KMT2B: variants seen among roughly 807,000 people sequenced by gnomAD.
KMT2B encodes the protein lysine methyltransferase 2B, also known as histone-lysine N-methyltransferase 2B.
Under a neutral mutation model 255.3 loss-of-function variants are expected in KMT2B, and 22 were observed. The observed-to-expected ratio is 0.09, with a 90% CI of 0.06 to 0.12. KMT2B has a LOEUF of 0.12. KMT2B is among the 10% of genes least tolerant of loss of function. The pLI, the probability that KMT2B is intolerant of heterozygous loss-of-function variation, is 1.00. For synonymous variants in KMT2B, 1,730 were observed against 1,498.1 expected (o/e 1.15, Z -3.57); for missense variants, 3,149 against 3,737.0 (o/e 0.84, Z 4.10).
rs754581856 is a variant in KMT2B at position 35,720,784 on chromosome 19, G to A, written c.1437G>A (p.Arg479=). The A allele has an allele frequency of 1.3e-6, 2 of 1,485,656 alleles. No individual in the cohort carries two copies. Among genetic ancestry groups the A allele is most frequent in the Middle Eastern group, 1.8e-4 (1 of 5,674 alleles). The allele number at this position is 1,485,656 out of a possible 1,614,324, so 92.0% of individuals were successfully genotyped here. Residue 479 remains arginine (R), a synonymous_variant, in exon 3 of 37, where the codon CGG becomes CGA. Transcript: ENST00000420124. ...RGRPPLTPSQ[R]AEREAARAGP... is the part of the protein sequence containing the mutation. The stretch of plus-strand genomic sequence containing the variant: ...GGCCTCCCCTGACTCCCAGCCAGCG[G>A]GCGGAGCGGGAAGCTGCTCGGGCAG...
At position 35,738,287 on chromosome 19, in the gene KMT2B, C is replaced by A. The variant is rs374063316; in HGVS notation, c.7878C>A (p.Ile2626=). 1 of 1,613,626 alleles carries A rather than the reference C, an allele frequency of 6.2e-7. No individual in the cohort carries two copies. Among genetic ancestry groups the A allele is most frequent in the Non-Finnish European group, 8.5e-7 (1 of 1,179,684 alleles). Reference sequence around the variant, plus strand: ...TCCCCACCTCATCCCTGCAGGGCATCGGGTGCTATATGTTCCGCATGGATG... The same window carrying A: ...TCCCCACCTCATCCCTGCAGGGCATAGGGTGCTATATGTTCCGCATGGATG... ...KREKFYDGKG[I]GCYMFRMDDF... The change falls in exon 37 of 37, where the codon ATC becomes ATA. Residue 2626 remains isoleucine, a synonymous_variant. Coordinates refer to ENST00000420124, the MANE Select transcript of KMT2B (RefSeq NM_014727.3). This position sits in a 1 kb window ranked among gnomAD's most constrained non-coding sequence, Gnocchi z 8.7.
chr19:35,736,352 GAGAAAC>G (rs1384782006), intron 30 of KMT2B: 1 of 237,690 alleles, frequency 4.2e-6, no homozygotes, highest in Non-Finnish European at 8.2e-6. Context: ...AATTTTGTGT[GAGAAAC>G]AGAATAATGA....
At position 35,725,860 on chromosome 19, in the gene KMT2B, T is replaced by G; in HGVS notation, c.3885+42T>G. The stretch of plus-strand genomic sequence containing the variant: ...ACCCACTTGCTTTGTCTCTAATGAA[T>G]ATCACCACCACCCCCAAACTTGCTC... On this transcript the variant is annotated intron_variant, in intron 13 of 36. Coordinates refer to ENST00000420124, the MANE Select transcript of KMT2B (RefSeq NM_014727.3). The surrounding 1 kb of genome is among the most constrained non-coding windows in gnomAD (Gnocchi z 4.1). 1 of 1,486,830 alleles carries G rather than the reference T, an allele frequency of 6.7e-7. No homozygotes were observed. The highest frequency in any genetic ancestry group is 9.2e-7 in the Non-Finnish European group (1 of 1,088,226). 92.1% of individuals were successfully genotyped at this position (1,486,830 alleles called of 1,614,324 possible).
In KMT2B at chr19:35,733,285, G is replaced by A. The variant is rs1198615655; in HGVS notation, c.6736G>A (p.Val2246Ile). 3 of 1,490,590 alleles carry A rather than the reference G, an allele frequency of 2.0e-6. No individual in the cohort carries two copies. Among genetic ancestry groups the A allele is most frequent in the Non-Finnish European group, 1.8e-6 (2 of 1,096,158 alleles). 92.3% of individuals were successfully genotyped at this position (1,490,590 alleles called of 1,614,324 possible). ...PGPLLGVLPVVGVVRPAPPPP... is the reference protein window; with the variant it reads ...PGPLLGVLPVIGVVRPAPPPP... Reference sequence around the variant, plus strand: ...CCCCCTCCTCGGCGTGCTGCCCGTGGTCGGAGTGGTCCGCCCTGCCCCGCC... The same window carrying A: ...CCCCCTCCTCGGCGTGCTGCCCGTGATCGGAGTGGTCCGCCCTGCCCCGCC... Residue 2246 changes from valine to isoleucine, a missense_variant, in exon 28 of 37, where the codon GTC becomes ATC. Transcript: ENST00000420124. This position sits in a 1 kb window ranked among gnomAD's most constrained non-coding sequence, Gnocchi z 4.3.
In KMT2B at chr19:35,725,383, A is replaced by G. The variant is rs1423598779; in HGVS notation, c.3642+50A>G. ...GACCCCCAGCTCTCTGTCGGTCCTCACGGCCTGATTCCTTGGGCCCTCTCA... is the reference window on the plus strand; with the variant it reads ...GACCCCCAGCTCTCTGTCGGTCCTCGCGGCCTGATTCCTTGGGCCCTCTCA... On this transcript the variant is annotated intron_variant, in intron 11 of 36. Transcript: ENST00000420124. This position sits in a 1 kb window ranked among gnomAD's most constrained non-coding sequence, Gnocchi z 4.1. 1 of 1,570,368 alleles carries G rather than the reference A, an allele frequency of 6.4e-7. No homozygotes were observed.
chr19:35,723,412 C>T lies in KMT2B; in HGVS notation c.3003-35C>T. Reference sequence around the variant, plus strand: ...TCCTCTCTTCCCCCAGACCACCAGTCCCCTACCCTGGTGACGTGCTGCTCC... The same window carrying T: ...TCCTCTCTTCCCCCAGACCACCAGTTCCCTACCCTGGTGACGTGCTGCTCC... On this transcript the variant is annotated intron_variant, in intron 6 of 36. Transcript: ENST00000420124. The surrounding 1 kb of genome is among the most constrained non-coding windows in gnomAD (Gnocchi z 7.5). 1 of 1,555,850 alleles carries T rather than the reference C, an allele frequency of 6.4e-7. No homozygotes were observed. The highest frequency in any genetic ancestry group is 8.7e-7 in the Non-Finnish European group (1 of 1,147,948).
Position 35,737,596 on chromosome 19 carries a change from T to C in KMT2B, c.7551-40T>C. The stretch of plus-strand genomic sequence containing the variant: ...CACCCATTTCCCTGTTAGCTCTGTC[T>C]TCAACAGTATATTCCTCCTTCCCCT... On this transcript the variant is annotated intron_variant, in intron 33 of 36. Transcript: ENST00000420124. This position sits in a 1 kb window ranked among gnomAD's most constrained non-coding sequence, Gnocchi z 5.3. 1 of 1,357,400 alleles carries C rather than the reference T, an allele frequency of 7.4e-7. No individual in the cohort carries two copies. Among genetic ancestry groups the C allele is most frequent in the South Asian group, 1.3e-5 (1 of 78,138 alleles). The allele number at this position is 1,357,400 out of a possible 1,614,324, so 84.1% of individuals were successfully genotyped here.
Position 35,732,801 on chromosome 19 carries a change from T to G in KMT2B, c.6252T>G (p.Pro2084=). 6.2e-7 allele frequency: 1 copy of G among 1,606,454 alleles called. No individual in the cohort carries two copies. The highest frequency in any genetic ancestry group is 2.2e-5 in the East Asian group (1 of 44,562). The change falls in exon 28 of 37, where the codon CCT becomes CCG. Residue 2084 remains proline, a synonymous_variant. Coordinates refer to ENST00000420124, the MANE Select transcript of KMT2B (RefSeq NM_014727.3). ...AVQQPRGQGT[P]PSGPGVVRAG... ...AGCAGCCTCGGGGCCAGGGCACGCC[T>G]CCTTCGGGGCCAGGAGTAGTCCGGG...
At position 35,737,805 on chromosome 19, in the gene KMT2B, G is replaced by T. The variant is rs1384070722; in HGVS notation, c.7659-54G>T. 1.2e-5 allele frequency: 19 copies of T among 1,548,900 alleles called. No homozygotes were observed. The Admixed American group carries it at 3.7e-4, about 30-fold the overall frequency. Reference sequence around the variant, plus strand: ...GAAGGGTCTTAGAGAGTGAGCAGGGGTGAGAGAGGTCATTCTGAGCACCAG... The same window carrying T: ...GAAGGGTCTTAGAGAGTGAGCAGGGTTGAGAGAGGTCATTCTGAGCACCAG... On this transcript the variant is annotated intron_variant, in intron 34 of 36. Coordinates refer to ENST00000420124, the MANE Select transcript of KMT2B (RefSeq NM_014727.3). This position sits in a 1 kb window ranked among gnomAD's most constrained non-coding sequence, Gnocchi z 5.3.
Position 35,737,546 on chromosome 19 carries a change from GA to G in KMT2B, c.7551-89del, listed in dbSNP as rs1969966702. Reference sequence around the variant, plus strand: ...TAAAAATTTAAAAAAGTTATTTCTAGAGCTGACATCAGAAAAATGAACCCCA... The same window carrying G: ...TAAAAATTTAAAAAAGTTATTTCTAGGCTGACATCAGAAAAATGAACCCCA... On this transcript the variant is annotated intron_variant, in intron 33 of 36. Transcript: ENST00000420124. The surrounding 1 kb of genome is among the most constrained non-coding windows in gnomAD (Gnocchi z 5.3). The G allele has an allele frequency of 4.4e-6, 4 of 910,448 alleles. No individual in the cohort carries two copies. Among genetic ancestry groups the G allele is most frequent in the Non-Finnish European group, 6.6e-6 (4 of 603,178 alleles). 56.4% of individuals were successfully genotyped at this position (910,448 alleles called of 1,614,324 possible).
Position 35,721,644 on chromosome 19 carries a change from C to T in KMT2B, c.2297C>T (p.Pro766Leu). The change falls in exon 3 of 37, where the codon CCA becomes CTA. Residue 766 changes from proline to leucine, a missense_variant. Transcript: ENST00000420124. Reference protein sequence around the residue: ...PQPQLQPPPSPQQMPPLEKAR... With the variant: ...PQPQLQPPPSLQQMPPLEKAR... ...CCACAGCTGCAGCCACCGCCGTCAC[C>T]ACAGCAGATGCCTCCCCTGGAAAAA... 6.2e-7 allele frequency: 1 copy of T among 1,613,560 alleles called. No homozygotes were observed. Among genetic ancestry groups the T allele is most frequent in the Non-Finnish European group, 8.5e-7 (1 of 1,179,740 alleles).
At position 35,723,479 on chromosome 19, in the gene KMT2B, A is replaced by G; in HGVS notation, c.3035A>G (p.Lys1012Arg). 8 of 1,572,894 alleles carry G rather than the reference A, an allele frequency of 5.1e-6. No homozygotes were observed. Among genetic ancestry groups the G allele is most frequent in the Non-Finnish European group, 6.9e-6 (8 of 1,159,972 alleles). ...AAGTGTGACAAAATAGAGGCTCGGA[A>G]GATGGAACGACTGGCTAAAAAAGGT... ...YRKCDKIEAR[K>R]MERLAKKGRT... is the part of the protein sequence containing the mutation. The change falls in exon 7 of 37, where the codon AAG becomes AGG. Residue 1012 changes from lysine to arginine, a missense_variant. Physicochemically the swap from Lys to Arg is conservative, Grantham distance 26 (BLOSUM62 2). Around this residue, in one of 18 missense-constraint regions of KMT2B, gnomAD observed 50 missense variants for 71.9 expected, o/e 0.70. Transcript: ENST00000420124. The surrounding 1 kb of genome is among the most constrained non-coding windows in gnomAD (Gnocchi z 7.5).
chr19:35,731,016 C>T, intron 26 of KMT2B, 149 bp downstream of exon 26: 1 of 954,644 alleles, frequency 1.0e-6, no homozygotes, highest in African/African-American at 1.7e-5. Flanking sequence ...ACTGCCATGC[C>T]TTGTGTGCCA....
At position 35,730,863 on chromosome 19, in the gene KMT2B, C is replaced by G. The variant is rs766805193; in HGVS notation, c.5433C>G (p.Ser1811=). The change falls in exon 26 of 37, where the codon TCC becomes TCG. Residue 1811 remains serine, a synonymous_variant. Coordinates refer to ENST00000420124, the MANE Select transcript of KMT2B (RefSeq NM_014727.3). ...NQTIVHSPAP[S]SEPPGGEDPP... ...CCATTGTGCACAGCCCCGCCCCTTCCTCAGGTGTGGCTTTGGCTCTGTCTT... is the reference window on the plus strand; with the variant it reads ...CCATTGTGCACAGCCCCGCCCCTTCGTCAGGTGTGGCTTTGGCTCTGTCTT... 1 of 1,603,128 alleles carries G rather than the reference C, an allele frequency of 6.2e-7. No homozygotes were observed. The highest frequency in any genetic ancestry group is 1.3e-5 in the African/African-American group (1 of 74,830).
chr19:35,729,137 T>C (rs1023327302), intron 21 of KMT2B, 22 bp from the exon 22 acceptor site: 2 of 1,613,886 alleles, frequency 1.2e-6, no homozygotes, highest in African/African-American at 1.3e-5. Context: ...CCCCACATCA[T>C]GCCACTCCTC....
At position 35,733,612 on chromosome 19, in the gene KMT2B, G is replaced by A. The variant is rs1380885831; in HGVS notation, c.6975G>A (p.Arg2325=). 1 of 1,585,282 alleles carries A rather than the reference G, an allele frequency of 6.3e-7. No homozygotes were observed. Among genetic ancestry groups the A allele is most frequent in the African/African-American group, 1.3e-5 (1 of 74,322 alleles). Residue 2325 remains arginine (R), a synonymous_variant, in exon 29 of 37, where the codon AGG becomes AGA. Transcript: ENST00000420124. The surrounding 1 kb of genome is among the most constrained non-coding windows in gnomAD (Gnocchi z 4.3). ...GCCCTCCCAGGTTTAGCCGTGTGAG[G>A]ATGAAAACCCCCACAGTGCGTGGGG... The part of the protein sequence containing the change: ...GLGSGGFSRV[R]MKTPTVRGVL...
Position 35,732,932 on chromosome 19 carries a change from G to T in KMT2B, c.6383G>T (p.Gly2128Val). The stretch of plus-strand genomic sequence containing the variant: ...AACCTAGGGGGTCCTGGGGATGGAG[G>T]TGCTGGCCCTAGAGAGGAGTCACTC... ...LKNLGGPGDG[G>V]AGPREESLPP... Residue 2128 changes from glycine to valine, a missense_variant, in exon 28 of 37, where the codon GGT becomes GTT. Transcript: ENST00000420124. The T allele has an allele frequency of 6.2e-7, 1 of 1,608,386 alleles. No homozygotes were observed.
In KMT2B at chr19:35,733,180, G is replaced by C. The variant is rs1568381930; in HGVS notation, c.6631G>C (p.Val2211Leu). Residue 2211 changes from valine to leucine, a missense_variant, in exon 28 of 37, where the codon GTC becomes CTC. Val to Leu is a conservative substitution (Grantham distance 32). Around this residue, in one of 18 missense-constraint regions of KMT2B, gnomAD observed 897 missense variants for 825.3 expected, o/e 1.09. Coordinates refer to ENST00000420124, the MANE Select transcript of KMT2B (RefSeq NM_014727.3). This position sits in a 1 kb window ranked among gnomAD's most constrained non-coding sequence, Gnocchi z 4.3. ...FVKMAGEGEP[V>L]PPPVKQPPLP... is the part of the protein sequence containing the mutation. ...GAAGATGGCTGGGGAGGGTGAACCT[G>C]TCCCACCCCCAGTGAAGCAGCCACC... is the stretch of plus-strand genomic sequence containing the variant. 6.4e-7 allele frequency: 1 copy of C among 1,555,356 alleles called. No individual in the cohort carries two copies. Among genetic ancestry groups the C allele is most frequent in the Non-Finnish European group, 8.7e-7 (1 of 1,145,500 alleles).
intron 3 of KMT2B, among the ~76,000 whole-genome samples, 197 bp from the exon 4 acceptor site, chr19:35,722,162 G>A (rs529209868): frequency 5.3e-5 from 8 of 152,070 alleles, no homozygotes; most frequent in Admixed American, 2.0e-4. Flanking sequence ...CCATCACCAC[G>A]CCTGGCTAAT....
Sources: gnomAD v4.1 joint callset for allele counts (sites outside exome capture counted in the v4.1 genomes callset) on GRCh38, gnomAD v4.1.1 for gene constraint, gnomAD v4.1.1 regional missense constraint, Gnocchi (gnomAD v3.1) non-coding constraint, MANE v1.5 for transcripts, NCBI Gene and HGNC (gene_info 2026-07-23, HGNC 2026-07-21) for gene names.